The following CDH13 variants were observed in gnomAD, a reference collection of about 807,000 sequenced individuals.
CDH13 encodes cadherin 13.
A neutral mutation model predicts 63.8 loss-of-function variants in CDH13; 24 were observed. The observed-to-expected ratio is 0.38, with a 90% CI of 0.27 to 0.53. The LOEUF (loss-of-function observed/expected upper bound fraction) is 0.53. Ranked by LOEUF, CDH13 falls within the 20% of genes least tolerant of loss-of-function variation. The pLI is 0.85. For missense variants in CDH13, 1,049 were observed against 903.1 expected (o/e 1.16, Z -2.07); for synonymous variants, 503 against 355.3 (o/e 1.42, Z -4.67).
chr16:83,494,339 T>C (rs1237706017), intron 7 of CDH13, among the ~76,000 whole-genome samples: 3 of 152,218 alleles, frequency 2.0e-5, no homozygotes, highest in Non-Finnish European at 4.4e-5. Context: ...AAAGTATGAT[T>C]ACTATGTTAA....
chr16:83,747,782 A>G (rs1200750991), intron 10 of CDH13, among the ~76,000 whole-genome samples: 1 of 149,136 alleles, frequency 6.7e-6, no homozygotes, highest in Non-Finnish European at 1.5e-5. Flanking sequence ...GAGGTGTGAA[A>G]GAAACAAGAC....
chr16:83,114,455 C>T (rs1311250027), intron 3 of CDH13, among the ~76,000 whole-genome samples: 1 of 152,150 alleles, frequency 6.6e-6, no homozygotes, highest in East Asian at 1.9e-4. Context: ...GGCTTGATGC[C>T]ATCCTATGAA....
intron 10 of CDH13, among the ~76,000 whole-genome samples, chr16:83,692,796 A>G (rs1009553093): frequency 1.3e-5 from 2 of 152,178 alleles, no homozygotes; most frequent in Non-Finnish European, 2.9e-5. Flanking sequence ...AGAAAAGCAC[A>G]TAGCCGGCTG....
chr16:83,769,395 C>T (rs1040419204), intron 11 of CDH13, among the ~76,000 whole-genome samples: 1 of 152,166 alleles, frequency 6.6e-6, no homozygotes, highest in Non-Finnish European at 1.5e-5. Flanking sequence ...TGGTTAGCCA[C>T]TCACTGCAGC....
chr16:82,682,960 C>T (rs188863851), intron 1 of CDH13, among the ~76,000 whole-genome samples: 2 of 152,300 alleles, frequency 1.3e-5, no homozygotes, highest in East Asian at 3.9e-4. Context: ...TAGGAACACA[C>T]TATCTCCAGG....
intron 2 of CDH13, among the ~76,000 whole-genome samples, chr16:82,862,122 C>G (rs967471313): frequency 2.0e-5 from 3 of 152,328 alleles, no homozygotes; most frequent in East Asian, 1.9e-4. Context: ...GCACCCATAT[C>G]TCCCTCAAAT....
rs528584951 is a variant in CDH13 at position 83,108,059 on chromosome 16, G to A, written c.367-17326G>A. Among the ~76,000 whole-genome samples the A allele has an allele frequency of 3.7e-4, 56 of 152,212 alleles. 1 individual carries two copies. Among genetic ancestry groups the A allele is most frequent in the African/African-American group, 1.3e-3 (53 of 41,530 alleles). ...GCTGGTCTTGACTCCCTGACCTCGT[G>A]ATCCACCCACCTTGGCCTCCCAAAG... is the stretch of plus-strand genomic sequence containing the variant. On this transcript the variant is annotated intron_variant, in intron 3 of 13. Transcript: ENST00000567109.
intron 2 of CDH13, among the ~76,000 whole-genome samples, chr16:82,945,463 A>G (rs928798040): frequency 6.6e-6 from 1 of 152,232 alleles, no homozygotes; most frequent in Non-Finnish European, 1.5e-5. Context: ...TTTCCCTTAC[A>G]GGGTGCTAAA....
At chr16:83,550,868 A>G (rs937221072) in intron 7 of CDH13, among the ~76,000 whole-genome samples, 4 of 152,148 alleles carry the variant, frequency 2.6e-5, no homozygotes, top group Non-Finnish European at 5.9e-5. Context: ...CTCTCAGGTT[A>G]GAAATCTAAG....
At chr16:83,345,224 A>G (rs1303968849) in intron 6 of CDH13, among the ~76,000 whole-genome samples, 1 of 152,190 alleles carries the variant, frequency 6.6e-6, no homozygotes, top group Non-Finnish European at 1.5e-5. Flanking sequence ...GTCTCTGAAG[A>G]TCATCCTCCA....
chr16:83,566,192 A>G (rs995986405), intron 7 of CDH13, among the ~76,000 whole-genome samples: 1 of 152,074 alleles, frequency 6.6e-6, no homozygotes, highest in Non-Finnish European at 1.5e-5. Context: ...GGCATTGGAT[A>G]ATGGCAGCCC....
At chr16:83,146,123 G>A (rs2036736232) in intron 4 of CDH13, among the ~76,000 whole-genome samples, 2 of 146,488 alleles carry the variant, frequency 1.4e-5, no homozygotes, top group South Asian at 2.2e-4. Context: ...GAACCTGGGA[G>A]GCAGAAGTTA....
intron 1 of CDH13, among the ~76,000 whole-genome samples, chr16:82,847,052 C>T (rs904282907): frequency 6.6e-6 from 1 of 152,142 alleles, no homozygotes; most frequent in African/African-American, 2.4e-5. Context: ...CCTTCCCCAC[C>T]TCGCCTTCAA....
At position 83,120,262 on chromosome 16, in the gene CDH13, G is replaced by C. The variant is rs116212174; in HGVS notation, c.367-5123G>C. Among the ~76,000 whole-genome samples the C allele has an allele frequency of 1.5e-3, 222 of 152,306 alleles. 1 individual carries two copies. The highest frequency in any genetic ancestry group is 5.1e-3 in the African/African-American group (212 of 41,550). ...TCTGGGATGCGCCGTAATAATCAAG[G>C]AAATGGATGGGCAGCTGTGGAGTTG... is the stretch of plus-strand genomic sequence containing the variant. On this transcript the variant is annotated intron_variant, in intron 3 of 13. Coordinates refer to ENST00000567109, the MANE Select transcript of CDH13 (RefSeq NM_001257.5).
intron 11 of CDH13, among the ~76,000 whole-genome samples, chr16:83,766,678 T>A (rs910105628): frequency 3.3e-5 from 5 of 152,184 alleles, no homozygotes; most frequent in Non-Finnish European, 7.3e-5. Flanking sequence ...AAGTTTGTGT[T>A]GAGATCCTAA....
chr16:83,120,665 A>G (rs1048027573), intron 3 of CDH13, among the ~76,000 whole-genome samples: 1 of 152,120 alleles, frequency 6.6e-6, no homozygotes, highest in African/African-American at 2.4e-5. Context: ...AATATATTTT[A>G]CGTATTTCCT....
intron 11 of CDH13, among the ~76,000 whole-genome samples, chr16:83,757,779 T>A (rs1913635262): frequency 6.6e-6 from 1 of 152,120 alleles, no homozygotes; most frequent in African/African-American, 2.4e-5. Context: ...ATGCAATATA[T>A]TTGACAATTT....
chr16:83,544,983 T>A (rs1362901398), intron 7 of CDH13, among the ~76,000 whole-genome samples: 1 of 152,248 alleles, frequency 6.6e-6, no homozygotes, highest in Non-Finnish European at 1.5e-5. Flanking sequence ...TCTTAGTTAA[T>A]GAGACTTTCC....
intron 4 of CDH13, among the ~76,000 whole-genome samples, chr16:83,182,860 T>C (rs1353476879): frequency 6.6e-6 from 1 of 152,248 alleles, no homozygotes; most frequent in African/African-American, 2.4e-5. Flanking sequence ...TGATTCTTTT[T>C]ATCACATACT....
Sources: gnomAD v4.1 joint callset for allele counts (sites outside exome capture counted in the v4.1 genomes callset) on GRCh38, gnomAD v4.1.1 for gene constraint, MANE v1.5 for transcripts, NCBI Gene and HGNC (gene_info 2026-07-23, HGNC 2026-07-21) for gene names.